CLCA1: variants seen among roughly 807,000 people sequenced by gnomAD.
The protein encoded by CLCA1 is calcium-activated chloride channel regulator 1.
Under a neutral mutation model 85.6 loss-of-function variants are expected in CLCA1, and 59 were observed. That is an observed-to-expected ratio of 0.69 (90% CI 0.56 to 0.86). The LOEUF (loss-of-function observed/expected upper bound fraction) is 0.86. Among genes scored for constraint, CLCA1 ranks in the 40% least tolerant of loss-of-function variants. The probability of loss-of-function intolerance (pLI) is 0.00; values close to 1 mark genes in which losing one functional copy is unlikely to be tolerated. For missense variants in CLCA1, 1,022 were observed against 1,101.4 expected (o/e 0.93, Z 1.02); for synonymous variants, 396 against 398.3 (o/e 0.99, Z 0.07).
chr1:86,497,178 C>T (rs1027672619), intron 12 of CLCA1, among the ~76,000 whole-genome samples: 12 of 152,178 alleles, frequency 7.9e-5, no homozygotes, highest in Non-Finnish European at 1.8e-4. Context: ...AGCTAGAGAG[C>T]TTATGGGTTC....
chr1:86,474,667 C>T (rs1647598223), intron 3 of CLCA1, among the ~76,000 whole-genome samples: 2 of 152,040 alleles, frequency 1.3e-5, no homozygotes, highest in African/African-American at 2.4e-5. Context: ...GTGGATCACA[C>T]TTTGAGTAGC....
chr1:86,498,864 G>A, intron 13 of CLCA1, 53 bp downstream of exon 13: 9 of 1,567,152 alleles, frequency 5.7e-6, no homozygotes, highest in Non-Finnish European at 7.8e-6. Context: ...CCAAGTAGAA[G>A]AGCAGAAGCG....
At chr1:86,487,867 T>C (rs1648023538) in intron 7 of CLCA1, among the ~76,000 whole-genome samples, 1 of 152,254 alleles carries the variant, frequency 6.6e-6, no homozygotes, top group South Asian at 2.1e-4. Context: ...AACATTTGCC[T>C]GTTTTCCATG....
chr1:86,489,002 A>G lies in CLCA1; in HGVS notation c.1189A>G (p.Arg397Gly). 1 of 1,613,732 alleles carries G rather than the reference A, an allele frequency of 6.2e-7. No individual in the cohort carries two copies. Among genetic ancestry groups the G allele is most frequent in the South Asian group, 1.1e-5 (1 of 91,012 alleles). ...SGLRSAFTVI[R>G]KKYPTDGSEI... The stretch of plus-strand genomic sequence containing the variant: ...CCCTAAATTCTGTCCTTAGGTGATT[A>G]GGAAGAAATATCCAACTGATGGATC... Residue 397 changes from arginine to glycine, a missense_variant, in exon 8 of 14, where the codon AGG becomes GGG. Coordinates refer to ENST00000394711, the MANE Select transcript of CLCA1 (RefSeq NM_001285.4).
At chr1:86,476,291 A>G (rs1443990106) in intron 3 of CLCA1, among the ~76,000 whole-genome samples, 157 bp from the exon 4 acceptor site, 2 of 152,262 alleles carry the variant, frequency 1.3e-5, no homozygotes, top group Admixed American at 1.3e-4. Context: ...ATATTTTAAG[A>G]AAACGTACAG....
intron 10 of CLCA1, 58 bp from the exon 11 acceptor site, chr1:86,494,129 G>A: frequency 6.3e-7 from 1 of 1,585,080 alleles, no homozygotes; most frequent in Non-Finnish European, 8.6e-7. Flanking sequence ...TGACATTGAA[G>A]TCAGGTCTGT....
At chr1:86,487,218 C>T (rs1011280746) in intron 7 of CLCA1, among the ~76,000 whole-genome samples, 8 of 152,184 alleles carry the variant, frequency 5.3e-5, no homozygotes, top group African/African-American at 9.7e-5. Flanking sequence ...CAGATGCCTG[C>T]GTGCATCTGT....
chr1:86,498,851 C>A (rs1225526349), intron 13 of CLCA1, 40 bp downstream of exon 13: 1 of 1,581,564 alleles, frequency 6.3e-7, no homozygotes, highest in African/African-American at 1.4e-5. Context: ...AAGAGTTTAC[C>A]AGCCAAGTAG....
At chr1:86,496,251 C>A (rs1275568934) in intron 12 of CLCA1, among the ~76,000 whole-genome samples, 1 of 152,194 alleles carries the variant, frequency 6.6e-6, no homozygotes, top group Non-Finnish European at 1.5e-5. Context: ...TCTAATTTAT[C>A]CTAATGAATC....
At chr1:86,498,519 T>C in intron 12 of CLCA1, 53 bp from the exon 13 acceptor site, 1 of 1,572,284 alleles carries the variant, frequency 6.4e-7, no homozygotes, top group East Asian at 2.3e-5. Flanking sequence ...CAGACGGAGG[T>C]GTCACCATTT....
At chr1:86,476,351 G>A (rs1647634380) in intron 3 of CLCA1, 97 bp from the exon 4 acceptor site, 1 of 618,970 alleles carries the variant, frequency 1.6e-6, no homozygotes. Context: ...AATTAACACA[G>A]CAAAGCATAA....
chr1:86,473,932 G>A, intron 3 of CLCA1, 56 bp downstream of exon 3: 1 of 1,289,422 alleles, frequency 7.8e-7, no homozygotes. Flanking sequence ...TGTTCAAAGT[G>A]TATCAACACT....
At chr1:86,499,370 C>T (rs1648390830) in intron 13 of CLCA1, among the ~76,000 whole-genome samples, 1 of 152,226 alleles carries the variant, frequency 6.6e-6, no homozygotes, top group Non-Finnish European at 1.5e-5. Flanking sequence ...ACAGTCTCTT[C>T]TTTCTGCCGG....
Position 86,471,086 on chromosome 1 carries a change from C to T in CLCA1, c.162+1953C>T, listed in dbSNP as rs566575711. The stretch of plus-strand genomic sequence containing the variant: ...CAAATATACATACACACACACCACA[C>T]GCACAAGCTCGTGTGCACACACACA... On this transcript the variant is annotated intron_variant, in intron 1 of 13. Transcript: ENST00000394711. Among the ~76,000 whole-genome samples, 14 of 152,274 alleles carry T rather than the reference C, an allele frequency of 9.2e-5. No individual in the cohort carries two copies. The East Asian group carries it at 1.9e-3, about 21-fold the overall frequency.
At chr1:86,487,856 C>T (rs2101740958) in intron 7 of CLCA1, among the ~76,000 whole-genome samples, 1 of 152,330 alleles carries the variant, frequency 6.6e-6, no homozygotes, top group South Asian at 2.1e-4. Context: ...GGATATGTGG[C>T]AACATTTGCC....
At position 86,495,537 on chromosome 1, in the gene CLCA1, T is replaced by A. The variant is rs1308158184; in HGVS notation, c.1975T>A (p.Ser659Thr). Reference sequence around the variant, plus strand: ...TGCTACTAAGGATGACGGTGTCTACTCAAGGTATTTCACAACTTATGACAC... The same window carrying A: ...TGCTACTAAGGATGACGGTGTCTACACAAGGTATTTCACAACTTATGACAC... Reference protein sequence around the residue: ...ADATKDDGVYSRYFTTYDTNG... With the variant: ...ADATKDDGVYTRYFTTYDTNG... The change falls in exon 12 of 14, where the codon TCA (serine) becomes ACA (threonine). Residue 659 changes from serine to threonine, a missense_variant. Coordinates refer to ENST00000394711, the MANE Select transcript of CLCA1 (RefSeq NM_001285.4). 3.1e-6 allele frequency: 5 copies of A among 1,613,880 alleles called. No individual in the cohort carries two copies. Among genetic ancestry groups the A allele is most frequent in the Non-Finnish European group, 3.4e-6 (4 of 1,179,878 alleles).
intron 4 of CLCA1, among the ~76,000 whole-genome samples, chr1:86,479,599 T>A (rs561725154): frequency 6.6e-6 from 1 of 152,182 alleles, no homozygotes; most frequent in African/African-American, 2.4e-5. Flanking sequence ...ATTAAAACAA[T>A]GTGAGCCAGG....
At chr1:86,490,794 G>A (rs960288514) in intron 8 of CLCA1, among the ~76,000 whole-genome samples, 1 of 151,696 alleles carries the variant, frequency 6.6e-6, no homozygotes, top group African/African-American at 2.4e-5. Context: ...GGCTGGGTGT[G>A]GTGGCTCACT....
chr1:86,486,654 G>C lies in CLCA1; in HGVS notation c.1083G>C (p.Gln361His). 2 of 1,614,210 alleles carry C rather than the reference G, an allele frequency of 1.2e-6. No homozygotes were observed. The highest frequency in any genetic ancestry group is 1.7e-6 in the Non-Finnish European group (2 of 1,180,028). The change falls in exon 7 of 14, where the codon CAG becomes CAC. Residue 361 changes from glutamine to histidine, a missense_variant. By Grantham distance (24) the Gln-to-His change is conservative. Coordinates refer to ENST00000394711, the MANE Select transcript of CLCA1 (RefSeq NM_001285.4). ...CCCATGTACAAAATGAACTCATACA[G>C]ATAAACAGTGGCAGTGACAGGGACA... Reference protein sequence around the residue: ...SAAHVQNELIQINSGSDRDTL... With the variant: ...SAAHVQNELIHINSGSDRDTL...
Sources: gnomAD v4.1 joint callset for allele counts (sites outside exome capture counted in the v4.1 genomes callset) on GRCh38, gnomAD v4.1.1 for gene constraint, MANE v1.5 for transcripts, NCBI Gene and HGNC (gene_info 2026-07-23, HGNC 2026-07-21) for gene names.